Variants in FSHR observed in about 807,000 individuals in gnomAD.
FSHR encodes follicle stimulating hormone receptor.
A neutral mutation model predicts 52.1 loss-of-function variants in FSHR; 46 were observed. The observed-to-expected ratio is 0.88, with a 90% CI of 0.70 to 1.13. FSHR has a LOEUF of 1.13. FSHR is among the 50% of genes most tolerant of loss of function. FSHR has a pLI of 0.00. For missense variants in FSHR, 964 were observed against 834.6 expected (o/e 1.16, Z -1.91); for synonymous variants, 399 against 309.6 (o/e 1.29, Z -3.03).
intron 2 of FSHR, among the ~76,000 whole-genome samples, chr2:49,026,631 T>A (rs1256853295): frequency 3.3e-5 from 5 of 152,304 alleles, no homozygotes; most frequent in Non-Finnish European, 7.4e-5. Flanking sequence ...CTTGCAAACA[T>A]CGGCAGGTTA....
chr2:49,139,253 T>G (rs1672591268), intron 1 of FSHR, among the ~76,000 whole-genome samples: 1 of 152,190 alleles, frequency 6.6e-6, no homozygotes, highest in Non-Finnish European at 1.5e-5. Flanking sequence ...ACATAGTACC[T>G]TTCTCAACCC....
At chr2:48,996,707 G>C (rs1676038604) in intron 4 of FSHR, among the ~76,000 whole-genome samples, 1 of 152,108 alleles carries the variant, frequency 6.6e-6, no homozygotes, top group Non-Finnish European at 1.5e-5. Context: ...GCAGAATGCA[G>C]AGTCATTCAA....
intron 1 of FSHR, among the ~76,000 whole-genome samples, chr2:49,089,863 A>G (rs1350547792): frequency 6.6e-6 from 1 of 151,978 alleles, no homozygotes; most frequent in South Asian, 2.1e-4. Context: ...GCAGATTTAC[A>G]TAGTCTGCAC....
intron 1 of FSHR, among the ~76,000 whole-genome samples, chr2:49,096,609 A>G (rs933580195): frequency 1.3e-5 from 2 of 152,224 alleles, no homozygotes; most frequent in African/African-American, 4.8e-5. Flanking sequence ...TTTATGGTAT[A>G]TGAATATCTC....
At chr2:49,076,282 A>G (rs530437409) in intron 1 of FSHR, among the ~76,000 whole-genome samples, 1 of 152,330 alleles carries the variant, frequency 6.6e-6, no homozygotes, top group South Asian at 2.1e-4. Flanking sequence ...GTGGCTGGGG[A>G]GGCCTCACAA....
intron 1 of FSHR, among the ~76,000 whole-genome samples, chr2:49,122,911 T>C (rs549000042): frequency 6.6e-6 from 1 of 152,326 alleles, no homozygotes; most frequent in South Asian, 2.1e-4. Flanking sequence ...GGGTGTCTTA[T>C]GGTTATGAAG....
chr2:49,038,698 G>T (rs1668382133), intron 2 of FSHR, among the ~76,000 whole-genome samples: 2 of 149,376 alleles, frequency 1.3e-5, no homozygotes, highest in Admixed American at 6.7e-5. Flanking sequence ...TTAAACACAA[G>T]ATACAACTAA....
chr2:48,972,743 C>T (rs982620085), intron 8 of FSHR, among the ~76,000 whole-genome samples: 2 of 152,138 alleles, frequency 1.3e-5, no homozygotes, highest in Non-Finnish European at 2.9e-5. Flanking sequence ...TTTAGAAGTC[C>T]TTTAGGAACA....
chr2:48,964,809 C>G (rs1453844319), intron 9 of FSHR, among the ~76,000 whole-genome samples: 1 of 152,096 alleles, frequency 6.6e-6, no homozygotes, highest in Admixed American at 6.5e-5. Flanking sequence ...GATAGAGGTA[C>G]TTACAGAGGG....
intron 4 of FSHR, among the ~76,000 whole-genome samples, chr2:49,016,005 TCA>T (rs1667478250): frequency 6.6e-6 from 1 of 152,120 alleles, no homozygotes. Flanking sequence ...GGGGTAGCTG[TCA>T]GAGAGCAGAA....
intron 1 of FSHR, among the ~76,000 whole-genome samples, chr2:49,131,910 A>G (rs1558459346): frequency 1.3e-5 from 2 of 152,104 alleles, no homozygotes; most frequent in Admixed American, 1.3e-4. Context: ...TCCTTTGTTT[A>G]TTCAAGTGTA....
intron 4 of FSHR, chr2:48,997,358 A>G: frequency 1.0e-6 from 1 of 985,158 alleles, no homozygotes; most frequent in Non-Finnish European, 1.2e-6. Flanking sequence ...CTCCTTAGTA[A>G]TCAGGGGAAA....
intron 4 of FSHR, chr2:49,014,969 G>T (rs1667426790): frequency 2.2e-6 from 1 of 456,300 alleles, no homozygotes; most frequent in Non-Finnish European, 4.5e-6. Flanking sequence ...AGATAGAGTT[G>T]GGAGAAAGGA....
At chr2:49,076,250 T>C (rs565035961) in intron 1 of FSHR, among the ~76,000 whole-genome samples, 1 of 152,020 alleles carries the variant, frequency 6.6e-6, no homozygotes, top group African/African-American at 2.4e-5. Flanking sequence ...AAGAAAGAGG[T>C]TTAATGGACT....
At chr2:48,987,837 A>AGCAC (rs1553432351) in intron 6 of FSHR, among the ~76,000 whole-genome samples, 11 of 146,136 alleles carry the variant, frequency 7.5e-5, no homozygotes, top group African/African-American at 2.5e-4. Flanking sequence ...ACCTCATCTC[A>AGCAC]ACACACACAC....
chr2:48,972,461 C>A (rs560666890), intron 8 of FSHR, among the ~76,000 whole-genome samples: 1 of 152,264 alleles, frequency 6.6e-6, no homozygotes, highest in South Asian at 2.1e-4. Flanking sequence ...GCTGTCTCTG[C>A]CTTCTCTCCA....
In FSHR at chr2:49,024,411, C is replaced by A. The variant is rs187507268; in HGVS notation, c.225-4251G>T. Among the ~76,000 whole-genome samples the A allele has an allele frequency of 4.2e-4, 64 of 152,166 alleles. No individual in the cohort carries two copies. In the East Asian group the frequency reaches 0.011, roughly 27 times the overall value. On this transcript the variant is annotated intron_variant, in intron 2 of 9. Transcript: ENST00000406846. ...GCAACATGGTGAAGCCTGACCTCTA[C>A]TAAAAATACAAAATTAGTCATGCGT... is the stretch of plus-strand genomic sequence containing the variant.
intron 2 of FSHR, among the ~76,000 whole-genome samples, chr2:49,039,892 A>T (rs1668420523): frequency 6.7e-6 from 1 of 148,380 alleles, no homozygotes; most frequent in African/African-American, 2.5e-5. Context: ...ATTATGTAAA[A>T]TTTTTGTTCT....
At chr2:49,140,892 C>A (rs1020421472) in intron 1 of FSHR, among the ~76,000 whole-genome samples, 1 of 152,116 alleles carries the variant, frequency 6.6e-6, no homozygotes, top group African/African-American at 2.4e-5. Flanking sequence ...GATTCCTGAG[C>A]CTCCATTAAG....
Sources: allele counts gnomAD v4.1 joint callset (sites outside exome capture counted in the v4.1 genomes callset), GRCh38; gene constraint gnomAD v4.1.1; transcripts MANE v1.5; gene names NCBI Gene and HGNC (gene_info 2026-07-23, HGNC 2026-07-21).